NRL: variants seen among roughly 807,000 people sequenced by gnomAD.
NRL encodes the protein neural retina leucine zipper, also known as neural retina-specific leucine zipper protein.
NRL carries 16 observed loss-of-function variants against 12.5 expected under a neutral mutation model. The observed-to-expected ratio is 1.28, with a 90% CI of 0.87 to 1.95. The LOEUF is 1.95. NRL is among the 30% of genes most tolerant of loss of function. The probability of loss-of-function intolerance (pLI) is 0.00; values close to 1 mark genes in which losing one functional copy is unlikely to be tolerated. For synonymous variants in NRL, 142 were observed against 150.9 expected, an observed-to-expected ratio of 0.94 and a Z score of 0.43; for missense variants, 314 against 325.8, an observed-to-expected ratio of 0.96 and a Z score of 0.28.
intron 1 of NRL, among the ~76,000 whole-genome samples, chr14:24,097,380 G>A (rs1332547054): frequency 6.9e-5 from 10 of 143,948 alleles, no homozygotes; most frequent in Non-Finnish European, 1.1e-4. Flanking sequence ...GAGAAACCCC[G>A]TCTCTACTGA....
intron 1 of NRL, among the ~76,000 whole-genome samples, chr14:24,106,582 A>T (rs1022737214): frequency 1.1e-4 from 17 of 152,174 alleles, no homozygotes; most frequent in African/African-American, 4.1e-4. Context: ...TTAGCCAGGC[A>T]TGGTGGCCCA....
chr14:24,095,240 G>A (rs1165640752), intron 1 of NRL: 1 of 455,710 alleles, frequency 2.2e-6, no homozygotes, highest in Non-Finnish European at 4.4e-6. Context: ...GTCCCACTTA[G>A]AGGGCTGCAA....
At chr14:24,112,320 C>T (rs578091608) in intron 1 of NRL, among the ~76,000 whole-genome samples, 162 of 148,878 alleles carry the variant, frequency 1.1e-3, no homozygotes, top group Non-Finnish European at 1.7e-3. Flanking sequence ...TGTCTCTGCC[C>T]GGCTTTGGTA....
chr14:24,083,363 C>G (rs1022819941), intron 1 of NRL, among the ~76,000 whole-genome samples: 1 of 152,202 alleles, frequency 6.6e-6, no homozygotes, highest in South Asian at 2.1e-4. Flanking sequence ...CTCTGTCTCT[C>G]AAAGCACTCA....
intron 1 of NRL, among the ~76,000 whole-genome samples, chr14:24,083,898 T>G (rs2036397185): frequency 6.6e-6 from 1 of 152,198 alleles, no homozygotes; most frequent in South Asian, 2.1e-4. Flanking sequence ...CTCCTGTCTG[T>G]TATCAATCAT....
chr14:24,103,406 T>G, intron 1 of NRL: 1 of 1,217,174 alleles, frequency 8.2e-7, no homozygotes, highest in South Asian at 1.4e-5. Flanking sequence ...CCTGAAGATA[T>G]TCAGAACCAT....
At chr14:24,107,976 A>G (rs971495) in intron 1 of NRL, among the ~76,000 whole-genome samples, 17,537 of 152,276 alleles carry the variant, frequency 0.12, 1,350 homozygotes, top group African/African-American at 0.22. Flanking sequence ...CATGGATTTA[A>G]ACATACTTAG....
chr14:24,084,335 A>T (rs1361978457), intron 1 of NRL, among the ~76,000 whole-genome samples: 1 of 152,166 alleles, frequency 6.6e-6, no homozygotes, highest in African/African-American at 2.4e-5. Flanking sequence ...GTACAGAAGG[A>T]GTAGTGGGGA....
In NRL at chr14:24,079,592, G is replaced by T. The variant is rs1182997212; in HGVS notation, c.*1644C>A. Among the ~76,000 whole-genome samples the T allele has an allele frequency of 6.6e-6, 1 of 152,050 alleles. No homozygotes were observed. Among genetic ancestry groups the T allele is most frequent in the African/African-American group, 2.4e-5 (1 of 41,366 alleles). On this transcript the variant is annotated 3_prime_UTR_variant, in exon 3 of 3. Transcript: ENST00000561028. ...AGGAGGGATGAGCTGGGATAGAGGA[G>T]GGGAAAGAGGGAGCAAGAACTGTGA... is the stretch of plus-strand genomic sequence containing the variant.
intron 1 of NRL, chr14:24,096,947 A>C (rs1594289009): frequency 6.2e-7 from 1 of 1,613,528 alleles, no homozygotes; most frequent in Non-Finnish European, 8.5e-7. Flanking sequence ...TAGCATCCAG[A>C]CCCTGCGAGT....
rs919635733 is a variant in NRL, at chr14:24,087,712, TC to T, written c.-27-4838del. ...TCCTGAGTAAGGCATTAGCGACCCC[TC>T]AGTAACTTACACTAATACCAGCCCT... is the stretch of plus-strand genomic sequence containing the variant. On this transcript the variant is annotated intron_variant, in intron 1 of 2. Coordinates refer to ENST00000561028, the MANE Select transcript of NRL (RefSeq NM_001354768.3). Among the ~76,000 whole-genome samples, 78 of 152,198 alleles carry T rather than the reference TC, an allele frequency of 5.1e-4. 2 individuals carry two copies. Among genetic ancestry groups the T allele is most frequent in the Non-Finnish European group, 1.5e-5 (1 of 68,034 alleles).
intron 1 of NRL, chr14:24,096,879 G>T: frequency 6.2e-7 from 1 of 1,606,812 alleles, no homozygotes. Flanking sequence ...CATTGCCTCT[G>T]TTTCTCCTAT....
chr14:24,100,584 A>C (rs1161979964), intron 1 of NRL: 2 of 1,091,712 alleles, frequency 1.8e-6, no homozygotes, highest in Non-Finnish European at 2.2e-6. Flanking sequence ...TTTTTTTTTA[A>C]TGAAAGGAAA....
In NRL at chr14:24,094,637, T is replaced by G. The variant is rs976472581; in HGVS notation, c.-27-11762A>C. 2 of 1,481,834 alleles carry G rather than the reference T, an allele frequency of 1.3e-6. No homozygotes were observed. The highest frequency in any genetic ancestry group is 2.7e-5 in the South Asian group (2 of 74,784). The allele number at this position is 1,481,834 out of a possible 1,614,324, so 91.8% of individuals were successfully genotyped here. ...CCGGCCGGTGCTCCTCGTTTCCGCC[T>G]GCACCTCCCCTTCTCTGCCTCGCTC... On this transcript the variant is annotated intron_variant, in intron 1 of 2. Coordinates refer to ENST00000561028, the MANE Select transcript of NRL (RefSeq NM_001354768.3). The surrounding 1 kb of genome is among the most constrained non-coding windows in gnomAD (Gnocchi z 4.1).
chr14:24,105,168 T>C (rs757748131), intron 1 of NRL, among the ~76,000 whole-genome samples: 16 of 152,280 alleles, frequency 1.1e-4, no homozygotes, highest in Non-Finnish European at 1.5e-4. Context: ...AGATGGGCTC[T>C]GGCTGGTTAT....
At chr14:24,098,999 C>A in intron 1 of NRL, 1 of 1,449,282 alleles carries the variant, frequency 6.9e-7, no homozygotes, top group South Asian at 1.2e-5. Flanking sequence ...GCCCCGACAC[C>A]CCAGTTCCTG....
At chr14:24,086,020 C>A (rs1330086740) in intron 1 of NRL, among the ~76,000 whole-genome samples, 4 of 152,182 alleles carry the variant, frequency 2.6e-5, no homozygotes, top group Non-Finnish European at 2.9e-5. Context: ...AGTTCAAGAC[C>A]AGCCTGGCCA....
chr14:24,094,186 C>G lies in NRL; in HGVS notation c.-27-11311G>C, dbSNP rs894063123. The G allele has an allele frequency of 1.1e-5, 6 of 560,568 alleles. No homozygotes were observed. Among genetic ancestry groups the G allele is most frequent in the African/African-American group, 8.1e-5 (4 of 49,584 alleles). The allele number at this position is 560,568 out of a possible 1,614,324, so 34.7% of individuals were successfully genotyped here. On this transcript the variant is annotated intron_variant, in intron 1 of 2. Coordinates refer to ENST00000561028, the MANE Select transcript of NRL (RefSeq NM_001354768.3). This position sits in a 1 kb window ranked among gnomAD's most constrained non-coding sequence, Gnocchi z 4.1. ...GGCGGCGGCTGGGCTGACCTGGAGC[C>G]TGGAGCCCCGGGGCCGAGGGAGCTG...
intron 1 of NRL, among the ~76,000 whole-genome samples, chr14:24,105,617 AC>A (rs1268020318): frequency 2.0e-5 from 3 of 152,230 alleles, no homozygotes; most frequent in African/African-American, 4.8e-5. Flanking sequence ...AACTGCAAGG[AC>A]CTTAGAAGTC....
Sources: gnomAD v4.1 joint callset for allele counts (sites outside exome capture counted in the v4.1 genomes callset) on GRCh38, gnomAD v4.1.1 for gene constraint, Gnocchi (gnomAD v3.1) non-coding constraint, MANE v1.5 for transcripts, NCBI Gene and HGNC (gene_info 2026-07-23, HGNC 2026-07-21) for gene names.